IL12RB2: variants seen among roughly 807,000 people sequenced by gnomAD.
IL12RB2 encodes the protein interleukin-12 receptor subunit beta-2.
A neutral mutation model predicts 89.4 loss-of-function variants in IL12RB2; 82 were observed. That is an observed-to-expected ratio of 0.92 (90% CI 0.77 to 1.10). The LOEUF (loss-of-function observed/expected upper bound fraction) is 1.10, where lower values mean the gene tolerates loss of function less well. IL12RB2 is among the 50% of genes least tolerant of loss of function. The pLI is 0.00. For synonymous variants in IL12RB2, 368 were observed against 370.1 expected (o/e 0.99, Z 0.07); for missense variants, 963 against 1,031.9 (o/e 0.93, Z 0.92).
intron 6 of IL12RB2, 112 bp downstream of exon 6, chr1:67,328,496 C>A: frequency 1.3e-6 from 2 of 1,561,228 alleles, no homozygotes; most frequent in East Asian, 2.3e-5. Context: ...AATTGGCCAA[C>A]AGGCATAAGC....
rs982756561 is a variant in IL12RB2 at position 67,321,741 on chromosome 1, G to A, written c.216G>A (p.Lys72=). 3 of 1,613,236 alleles carry A rather than the reference G, an allele frequency of 1.9e-6. No homozygotes were observed. The highest frequency in any genetic ancestry group is 1.7e-4 in the Middle Eastern group (1 of 6,056). Residue 72 remains lysine (K), a synonymous_variant, in exon 4 of 17, where the codon AAG becomes AAA. Transcript: ENST00000674203. ...GACGTAACAAGTTAATCCTGTACAA[G>A]TTTGACAGAAGAATCAATTTTCACC... ...YSRRNKLILY[K]FDRRINFHHG... is the part of the protein sequence containing the mutation.
chr1:67,368,122 G>A (rs2100986802), intron 11 of IL12RB2, 97 bp downstream of exon 11: 1 of 781,610 alleles, frequency 1.3e-6, no homozygotes, highest in Non-Finnish European at 2.2e-6. Context: ...TCAATTACAG[G>A]TGGCTACATG....
In IL12RB2 at chr1:67,351,090, G is replaced by T. The variant is rs1281623933; in HGVS notation, c.1258+1G>T. 3 of 1,612,428 alleles carry T rather than the reference G, an allele frequency of 1.9e-6. No individual in the cohort carries two copies. The highest frequency in any genetic ancestry group is 2.5e-6 in the Non-Finnish European group (3 of 1,179,796). The stretch of plus-strand genomic sequence containing the variant: ...AACATAATGAACCTGTGTGAGGCAG[G>T]TAAGTTCTAATTTTTCTTTAACATT... On this transcript the variant is annotated splice_donor_variant, in intron 10 of 16. Coordinates refer to ENST00000674203, the MANE Select transcript of IL12RB2 (RefSeq NM_001374259.2). LOFTEE classifies it high-confidence loss of function.
intron 14 of IL12RB2, among the ~76,000 whole-genome samples, chr1:67,383,004 G>A (rs536575094): frequency 2.0e-5 from 3 of 152,274 alleles, no homozygotes; most frequent in South Asian, 4.2e-4. Flanking sequence ...CATATCCCAT[G>A]TGAATTAGTC....
At chr1:67,325,445 A>T (rs1657156939) in intron 4 of IL12RB2, among the ~76,000 whole-genome samples, 1 of 152,186 alleles carries the variant, frequency 6.6e-6, no homozygotes, top group African/African-American at 2.4e-5. Flanking sequence ...TATTTTAAGT[A>T]AAGAAGAGGT....
rs767953660 is a variant in IL12RB2, at chr1:67,396,002, A to C, written c.2502A>C (p.Ser834=). The C allele has an allele frequency of 1.2e-6, 2 of 1,605,646 alleles. No homozygotes were observed. Among genetic ancestry groups the C allele is most frequent in the Non-Finnish European group, 1.7e-6 (2 of 1,172,232 alleles). The change falls in exon 17 of 17, where the codon TCA becomes TCC. Residue 834 remains serine, a synonymous_variant. Transcript: ENST00000674203. ...ACATCTCCCTTTCTGTTTTCCCCTC[A>C]AGTTCTCTTCACCCACTCACCTTCT... ...PQHISLSVFP[S]SSLHPLTFSC...
At chr1:67,378,203 T>G (rs1557465793) in intron 13 of IL12RB2, among the ~76,000 whole-genome samples, 1 of 152,186 alleles carries the variant, frequency 6.6e-6, no homozygotes. Context: ...CTACTTCTGC[T>G]AGAGTGCTGG....
Position 67,350,890 on chromosome 1 carries a change from A to G in IL12RB2, c.1059A>G (p.Ala353=). 6.2e-7 allele frequency: 1 copy of G among 1,614,068 alleles called. No individual in the cohort carries two copies. The highest frequency in any genetic ancestry group is 8.5e-7 in the Non-Finnish European group (1 of 1,179,972). Residue 353 remains alanine (A), a synonymous_variant, in exon 10 of 17, where the codon GCA becomes GCG. Transcript: ENST00000674203. The part of the protein sequence containing the change: ...LFWKNLSVSE[A]RGKILHYQVT... ...TGCAGAATCTGAGTGTCTCAGAGGC[A>G]AGAGGAAAAATTCTCCACTATCAGG...
chr1:67,346,452 T>C (rs1369719612), intron 9 of IL12RB2, among the ~76,000 whole-genome samples: 2 of 148,692 alleles, frequency 1.3e-5, no homozygotes, highest in African/African-American at 5.0e-5. Flanking sequence ...AGTGGTGCGA[T>C]ATTAGCTCAC....
chr1:67,341,529 G>GAGATAGAAAGAAAGAA (rs1553314365), intron 9 of IL12RB2, among the ~76,000 whole-genome samples: 1 of 110,602 alleles, frequency 9.0e-6, no homozygotes, highest in East Asian at 2.7e-4. Context: ...AAAAAAGAAA[G>GAGATAGAAAGAAAGAA]AGAAAGAAAG....
Position 67,386,704 on chromosome 1 carries a change from G to A in IL12RB2, c.1946+35G>A. 4 of 1,370,348 alleles carry A rather than the reference G, an allele frequency of 2.9e-6. No individual in the cohort carries two copies. The South Asian group carries it at 4.6e-5, about 16-fold the overall frequency. The allele number at this position is 1,370,348 out of a possible 1,614,324, so 84.9% of individuals were successfully genotyped here. The stretch of plus-strand genomic sequence containing the variant: ...TTACACCTACCAAGTGGGTAAATGA[G>A]GCTTTTAAAAAATGATAATAGCTGT... On this transcript the variant is annotated intron_variant, in intron 15 of 16. Transcript: ENST00000674203.
intron 13 of IL12RB2, among the ~76,000 whole-genome samples, chr1:67,378,456 G>A (rs1210232579): frequency 6.6e-6 from 1 of 151,974 alleles, no homozygotes; most frequent in Admixed American, 6.6e-5. Flanking sequence ...TCTAAGTATC[G>A]GTGCTCTAGT....
chr1:67,363,211 A>ATTTTTT (rs199805464), intron 10 of IL12RB2, among the ~76,000 whole-genome samples: 17 of 97,132 alleles, frequency 1.8e-4, no homozygotes, highest in East Asian at 3.0e-4. Flanking sequence ...AATTATTCTT[A>ATTTTTT]TTTTTTTTTT....
chr1:67,394,229 G>C (rs1344838893), intron 16 of IL12RB2, among the ~76,000 whole-genome samples: 1 of 152,220 alleles, frequency 6.6e-6, no homozygotes, highest in Non-Finnish European at 1.5e-5. Flanking sequence ...CCAGGCCAAT[G>C]CTGGAATCTT....
chr1:67,348,571 T>C (rs1450954285), intron 9 of IL12RB2, among the ~76,000 whole-genome samples: 1 of 152,086 alleles, frequency 6.6e-6, no homozygotes, highest in Non-Finnish European at 1.5e-5. Flanking sequence ...TCCAGTTTGG[T>C]GGTTCCTTGA....
rs970185210 is a variant in IL12RB2 at position 67,396,725 on chromosome 1, C to G, written c.*636C>G. On this transcript the variant is annotated 3_prime_UTR_variant, in exon 17 of 17. Coordinates refer to ENST00000674203, the MANE Select transcript of IL12RB2 (RefSeq NM_001374259.2). The stretch of plus-strand genomic sequence containing the variant: ...TGGCTCCTAGATTATTGAGAGCCTT[C>G]AAAACAAATCAACCTAGTTCTATAG... 1 of 153,290 alleles carries G rather than the reference C, an allele frequency of 6.5e-6. No homozygotes were observed. Among genetic ancestry groups the G allele is most frequent in the Non-Finnish European group, 1.5e-5 (1 of 68,782 alleles). The allele number at this position is 153,290 out of a possible 1,614,324, so 9.5% of individuals were successfully genotyped here.
chr1:67,349,888 T>C (rs1660639527), intron 9 of IL12RB2, among the ~76,000 whole-genome samples: 1 of 152,126 alleles, frequency 6.6e-6, no homozygotes, highest in African/African-American at 2.4e-5. Flanking sequence ...AAAATAAAAA[T>C]TATAAGTGAA....
chr1:67,338,212 C>T (rs1659050262), intron 8 of IL12RB2, among the ~76,000 whole-genome samples: 2 of 151,018 alleles, frequency 1.3e-5, no homozygotes, highest in African/African-American at 4.9e-5. Context: ...ACCTGTAGTC[C>T]CAGCTATGTG....
At chr1:67,391,385 C>A (rs199580971) in intron 16 of IL12RB2, among the ~76,000 whole-genome samples, 2 of 109,284 alleles carry the variant, frequency 1.8e-5, no homozygotes, top group Admixed American at 9.8e-5. Context: ...GTGTGTGTGT[C>A]TATACACACA....
Sources: gnomAD v4.1 joint callset for allele counts (sites outside exome capture counted in the v4.1 genomes callset) on GRCh38, gnomAD v4.1.1 for gene constraint, MANE v1.5 for transcripts, NCBI Gene and HGNC (gene_info 2026-07-23, HGNC 2026-07-21) for gene names.